The following NBEA variants were observed in gnomAD, a reference collection of about 807,000 sequenced individuals.
The protein encoded by NBEA is lysosomal-trafficking regulator 2.
Under a neutral mutation model 343.4 loss-of-function variants are expected in NBEA, and 44 were observed. The ratio of observed to expected loss-of-function variants is 0.13; its 90% CI spans 0.10 to 0.16. The LOEUF (loss-of-function observed/expected upper bound fraction) is 0.16, where lower values mean the gene tolerates loss of function less well. NBEA is among the 10% of genes least tolerant of loss of function. The pLI is 1.00. For missense variants in NBEA, 2,555 were observed against 3,631.3 expected, an observed-to-expected ratio of 0.70 and a Z score of 7.62; for synonymous variants, 1,175 against 1,238.7, an observed-to-expected ratio of 0.95 and a Z score of 1.08.
rs780216276 is a variant in NBEA at position 35,583,944 on chromosome 13, G to A, written c.7082G>A (p.Arg2361His). Residue 2361 changes from arginine (R) to histidine (H), a missense_variant, in exon 46 of 59, where the codon CGT becomes CAT. Coordinates refer to ENST00000379939, the MANE Select transcript of NBEA (RefSeq NM_001385012.1). ...AAGAGAGCTGTGTTTTATGCAGAGC[G>A]TTATGAGACATGGGAAGATGATCAA... is the stretch of plus-strand genomic sequence containing the variant. Reference protein sequence around the residue: ...NPKRAVFYAERYETWEDDQSP... With the variant: ...NPKRAVFYAEHYETWEDDQSP... The A allele has an allele frequency of 2.0e-5, 33 of 1,613,396 alleles. No individual in the cohort carries two copies. The highest frequency in any genetic ancestry group is 1.2e-4 in the African/African-American group (9 of 74,866).
At chr13:35,400,809 C>T (rs1053863896) in intron 38 of NBEA, among the ~76,000 whole-genome samples, 2 of 151,878 alleles carry the variant, frequency 1.3e-5, no homozygotes, top group African/African-American at 4.8e-5. Context: ...ATTTGTGGAG[C>T]ACTCCTATGT....
At chr13:35,478,408 C>T (rs1253509794) in intron 41 of NBEA, among the ~76,000 whole-genome samples, 1 of 152,140 alleles carries the variant, frequency 6.6e-6, no homozygotes, top group African/African-American at 2.4e-5. Flanking sequence ...AGGGGAGACC[C>T]ATCAGAGCCG....
rs377674721 is a variant in NBEA at position 35,427,098 on chromosome 13, G to C, written c.6180-5171G>C. Among the ~76,000 whole-genome samples the C allele has an allele frequency of 1.1e-3, 165 of 152,260 alleles. 2 individuals are homozygous for C. In the South Asian group the frequency reaches 0.012, roughly 11 times the overall value. On this transcript the variant is annotated intron_variant, in intron 38 of 58. Coordinates refer to ENST00000379939, the MANE Select transcript of NBEA (RefSeq NM_001385012.1). The stretch of plus-strand genomic sequence containing the variant: ...TTAGAACTTCCTCCTGTAGCTCAGA[G>C]TAGTTTGATCATCTGAAGCCTTCTT...
Position 35,280,239 on chromosome 13 carries a change from A to G in NBEA, c.5777-10150A>G, listed in dbSNP as rs759619999. ...TAAAAAGATTATATAGGTAATTTCAACTGAAAAATATTCTCACATTAAGTG... is the reference window on the plus strand; with the variant it reads ...TAAAAAGATTATATAGGTAATTTCAGCTGAAAAATATTCTCACATTAAGTG... On this transcript the variant is annotated intron_variant, in intron 34 of 58. Coordinates refer to ENST00000379939, the MANE Select transcript of NBEA (RefSeq NM_001385012.1). Among the ~76,000 whole-genome samples, 7 of 152,118 alleles carry G rather than the reference A, an allele frequency of 4.6e-5. No homozygotes were observed. The East Asian group carries it at 1.3e-3, about 29-fold the overall frequency.
At chr13:35,564,849 A>G (rs1407579600) in intron 44 of NBEA, among the ~76,000 whole-genome samples, 3 of 152,232 alleles carry the variant, frequency 2.0e-5, no homozygotes, top group Non-Finnish European at 4.4e-5. Flanking sequence ...GTTTTCCTTT[A>G]CTTGACTTAT....
At chr13:35,532,663 G>GACAATAATT (rs2078322599) in intron 41 of NBEA, among the ~76,000 whole-genome samples, 1 of 151,972 alleles carries the variant, frequency 6.6e-6, no homozygotes, top group South Asian at 2.1e-4. Flanking sequence ...AGTAAAATAT[G>GACAATAATT]ACAATAATTA....
intron 41 of NBEA, among the ~76,000 whole-genome samples, chr13:35,545,959 G>A (rs2079039662): frequency 6.6e-6 from 1 of 152,204 alleles, no homozygotes; most frequent in South Asian, 2.1e-4. Flanking sequence ...TTCTGGTTTA[G>A]CAAAGGAGTC....
intron 34 of NBEA, among the ~76,000 whole-genome samples, chr13:35,282,405 AGT>A (rs988285000): frequency 1.3e-5 from 2 of 152,180 alleles, no homozygotes; most frequent in African/African-American, 4.8e-5. Context: ...TTTCTTGAGC[AGT>A]GTTAAAATTT....
At chr13:35,018,431 G>A (rs992802041) in intron 1 of NBEA, among the ~76,000 whole-genome samples, 1 of 151,928 alleles carries the variant, frequency 6.6e-6, no homozygotes. Context: ...GCAATGTTTT[G>A]TAGTTTTGAG....
chr13:35,124,310 A>G (rs2066962346), intron 17 of NBEA, among the ~76,000 whole-genome samples: 1 of 150,138 alleles, frequency 6.7e-6, no homozygotes, highest in African/African-American at 2.4e-5. Flanking sequence ...TGTAATAATC[A>G]TGAAAACTGC....
At chr13:35,112,961 C>T (rs573361784) in intron 13 of NBEA, among the ~76,000 whole-genome samples, 1 of 152,034 alleles carries the variant, frequency 6.6e-6, no homozygotes, top group Non-Finnish European at 1.5e-5. Flanking sequence ...TTCAGAGACC[C>T]CATTCAAATT....
At chr13:35,643,297 C>T (rs1470395706) in intron 49 of NBEA, among the ~76,000 whole-genome samples, 2 of 152,012 alleles carry the variant, frequency 1.3e-5, no homozygotes, top group East Asian at 3.9e-4. Flanking sequence ...GGGCTTGTCT[C>T]CCCTGTGTCC....
intron 49 of NBEA, among the ~76,000 whole-genome samples, chr13:35,639,954 A>G (rs1010629057): frequency 1.4e-5 from 2 of 145,548 alleles, no homozygotes; most frequent in Admixed American, 6.8e-5. Context: ...AATTACATTT[A>G]CCAAAAAAAA....
At chr13:34,969,615 A>G (rs891230196) in intron 1 of NBEA, among the ~76,000 whole-genome samples, 1 of 151,972 alleles carries the variant, frequency 6.6e-6, no homozygotes, top group African/African-American at 2.4e-5. Flanking sequence ...TATTCTTACC[A>G]TTTAGCTCCC....
chr13:35,191,890 A>T (rs1236155768), intron 30 of NBEA, among the ~76,000 whole-genome samples: 1 of 152,044 alleles, frequency 6.6e-6, no homozygotes, highest in Non-Finnish European at 1.5e-5. Context: ...TTTTTGGAGG[A>T]AGGAATGTGA....
intron 39 of NBEA, among the ~76,000 whole-genome samples, chr13:35,440,680 C>T (rs779694359): frequency 6.6e-5 from 10 of 152,074 alleles, no homozygotes; most frequent in Non-Finnish European, 1.0e-4. Context: ...ACAGTTGTGG[C>T]CCTGCTGTGA....
intron 33 of NBEA, among the ~76,000 whole-genome samples, chr13:35,222,315 T>C (rs1370791857): frequency 1.3e-5 from 2 of 152,102 alleles, no homozygotes; most frequent in Non-Finnish European, 2.9e-5. Context: ...TTGATGGTAA[T>C]TTTTTCCTTT....
chr13:35,153,073 T>G (rs2152705649), intron 18 of NBEA, among the ~76,000 whole-genome samples: 1 of 147,424 alleles, frequency 6.8e-6, no homozygotes, highest in South Asian at 2.2e-4. Flanking sequence ...AGTCTCACTC[T>G]GTCGCCCAGG....
chr13:35,538,743 G>T (rs944693214), intron 41 of NBEA, among the ~76,000 whole-genome samples: 2 of 152,202 alleles, frequency 1.3e-5, no homozygotes, highest in Admixed American at 1.3e-4. Flanking sequence ...GTGGGATGTG[G>T]AATTTTCTAC....
Sources: allele counts gnomAD v4.1 joint callset (sites outside exome capture counted in the v4.1 genomes callset), GRCh38; gene constraint gnomAD v4.1.1; transcripts MANE v1.5; gene names NCBI Gene and HGNC (gene_info 2026-07-23, HGNC 2026-07-21).